ATP2B2: variants seen among roughly 807,000 people sequenced by gnomAD.
The protein encoded by ATP2B2 is plasma membrane calcium-transporting ATPase 2.
In ATP2B2, 15 loss-of-function variants were observed where a neutral mutation model predicts 120.0. The observed-to-expected ratio is 0.12, with a 90% CI of 0.08 to 0.19. The LOEUF (loss-of-function observed/expected upper bound fraction) is 0.19, where lower values mean the gene tolerates loss of function less well. Among genes scored for constraint, ATP2B2 ranks in the 10% least tolerant of loss-of-function variants. The pLI is 1.00. For missense variants in ATP2B2, 1,045 were observed against 1,719.8 expected (o/e 0.61, Z 6.94); for synonymous variants, 694 against 700.3 (o/e 0.99, Z 0.14).
intron 1 of ATP2B2, among the ~76,000 whole-genome samples, chr3:10,660,998 A>G (rs1043502389): frequency 6.6e-6 from 1 of 152,216 alleles, no homozygotes; most frequent in Non-Finnish European, 1.5e-5. Context: ...GACAAAAACC[A>G]CATGATTATC....
chr3:10,650,881 C>T (rs2070442352), intron 1 of ATP2B2, among the ~76,000 whole-genome samples: 1 of 152,214 alleles, frequency 6.6e-6, no homozygotes, highest in Non-Finnish European at 1.5e-5. Context: ...CACGGGAGCC[C>T]ACCTCTTGCA....
At chr3:10,537,169 A>T (rs1439432893) in intron 2 of ATP2B2, among the ~76,000 whole-genome samples, 2 of 152,140 alleles carry the variant, frequency 1.3e-5, no homozygotes, top group Non-Finnish European at 2.9e-5. Flanking sequence ...AGATAAACTG[A>T]TTCTTCATTC....
chr3:10,672,038 C>T (rs2071112341), intron 1 of ATP2B2, among the ~76,000 whole-genome samples: 5 of 152,150 alleles, frequency 3.3e-5, no homozygotes, highest in South Asian at 4.1e-4. Flanking sequence ...TAGAGAGCCT[C>T]GGGGCAAAAG....
At chr3:10,476,979 G>A (rs1218958330) in intron 1 of ATP2B2, among the ~76,000 whole-genome samples, 1 of 152,198 alleles carries the variant, frequency 6.6e-6, no homozygotes, top group African/African-American at 2.4e-5. Context: ...CATTCTAGAA[G>A]CCACTCAAAG....
In ATP2B2 at chr3:10,512,464, G is replaced by GCACA. The variant is rs6147706; in HGVS notation, c.-320+21571_-320+21574dup. Among the ~76,000 whole-genome samples the GCACA allele has an allele frequency of 6.7e-3, 918 of 136,854 alleles. 8 individuals carry two copies. The highest frequency in any genetic ancestry group is 0.011 in the South Asian group (45 of 4,278). The allele number at this position is 136,854 out of a possible 152,430, so 89.8% of individuals were successfully genotyped here. Reference sequence around the variant, plus strand: ...TATTCCTGGGTGCTAAAGTGTGTGCGCACACACACACACACACACACACAC... The same window carrying GCACA: ...TATTCCTGGGTGCTAAAGTGTGTGCGCACACACACACACACACACACACACACAC... On this transcript the variant is annotated intron_variant, in intron 3 of 21. Coordinates refer to the ATP2B2 transcript ENST00000646379.
intron 12 of ATP2B2, among the ~76,000 whole-genome samples, chr3:10,361,627 A>G (rs1340128104): frequency 1.3e-5 from 2 of 152,176 alleles, no homozygotes. Context: ...CTGCCCGAAC[A>G]CGGGCTGTTT....
intron 8 of ATP2B2, among the ~76,000 whole-genome samples, chr3:10,382,849 A>AT (rs1050534182): frequency 7.4e-5 from 11 of 149,452 alleles, no homozygotes; most frequent in South Asian, 2.1e-4. Context: ...TATCACCCTA[A>AT]TTTTTTTTTT....
rs2060254463 is a variant in ATP2B2 at position 10,340,834 on chromosome 3, C to G, written c.2918-130G>C. On this transcript the variant is annotated intron_variant, in intron 19 of 22. Coordinates refer to ENST00000360273, the MANE Select transcript of ATP2B2 (RefSeq NM_001001331.4). The surrounding 1 kb of genome is among the most constrained non-coding windows in gnomAD (Gnocchi z 5.0). ...CCCAAGACATCAAGGCATGCTTGGA[C>G]AGTGGGGGGCCAGGGCTGTGCTGTC... The G allele has an allele frequency of 2.2e-6, 2 of 903,926 alleles. No homozygotes were observed. The highest frequency in any genetic ancestry group is 3.3e-5 in the African/African-American group (2 of 60,686). The allele number at this position is 903,926 out of a possible 1,614,324, so 56.0% of individuals were successfully genotyped here.
At chr3:10,399,463 C>T (rs4684687) in intron 5 of ATP2B2, among the ~76,000 whole-genome samples, 79,043 of 152,086 alleles carry the variant, frequency 0.52, 22,370 homozygotes, top group East Asian at 0.98. Context: ...GGTCTCTATA[C>T]CTCACTACAA....
intron 1 of ATP2B2, among the ~76,000 whole-genome samples, chr3:10,640,891 G>C (rs1402787636): frequency 1.3e-5 from 2 of 152,204 alleles, no homozygotes; most frequent in African/African-American, 4.8e-5. Flanking sequence ...AAATGAATTG[G>C]AAGTGTTATC....
At chr3:10,526,313 C>G (rs1315123118) in intron 3 of ATP2B2, among the ~76,000 whole-genome samples, 3 of 152,174 alleles carry the variant, frequency 2.0e-5, no homozygotes, top group Non-Finnish European at 4.4e-5. Flanking sequence ...TGAGCATGAC[C>G]CCCAGACTGT....
At chr3:10,584,357 A>G (rs2068459240) in intron 2 of ATP2B2, among the ~76,000 whole-genome samples, 1 of 152,196 alleles carries the variant, frequency 6.6e-6, no homozygotes, top group African/African-American at 2.4e-5. Context: ...GTTTGAGTTC[A>G]GAGAGGGCTT....
In ATP2B2 at chr3:10,449,869, G is replaced by A. The variant is rs1004045603; in HGVS notation, c.-319-7C>T. On this transcript the variant is annotated splice_region_variant and splice_polypyrimidine_tract_variant and intron_variant, in intron 1 of 22. Transcript: ENST00000360273. ...TGGTCAGGGGTGGTGGCTCCTGTGG[G>A]ACAAGCACAGAGTGAGTGACAAAGG... The A allele has an allele frequency of 7.2e-6, 3 of 415,722 alleles. No individual in the cohort carries two copies. Among genetic ancestry groups the A allele is most frequent in the Admixed American group, 3.6e-5 (1 of 28,030 alleles). The allele number at this position is 415,722 out of a possible 1,614,324, so 25.8% of individuals were successfully genotyped here.
intron 1 of ATP2B2, chr3:10,626,406 A>T (rs2069699673): frequency 6.6e-6 from 1 of 152,130 alleles, no homozygotes; most frequent in Non-Finnish European, 1.5e-5. Context: ...GTCCTGGGGG[A>T]TCTGCAGGGG....
intron 2 of ATP2B2, among the ~76,000 whole-genome samples, chr3:10,556,820 A>G (rs912766261): frequency 6.6e-6 from 1 of 152,220 alleles, no homozygotes; most frequent in Non-Finnish European, 1.5e-5. Context: ...CCTCTTTCAC[A>G]TATCTTGTCA....
intron 1 of ATP2B2, among the ~76,000 whole-genome samples, chr3:10,704,074 G>C (rs2071860479): frequency 1.3e-5 from 2 of 152,166 alleles, no homozygotes; most frequent in East Asian, 3.9e-4. Context: ...TCTGCCTCCT[G>C]ACTGACCCTA....
chr3:10,404,135 C>T (rs913938422), intron 3 of ATP2B2, among the ~76,000 whole-genome samples: 1 of 152,126 alleles, frequency 6.6e-6, no homozygotes, highest in Non-Finnish European at 1.5e-5. Context: ...CAGCTGCATG[C>T]ACCCCTGGAA....
chr3:10,447,168 A>C (rs887239251), intron 2 of ATP2B2, among the ~76,000 whole-genome samples: 1 of 152,156 alleles, frequency 6.6e-6, no homozygotes, highest in African/African-American at 2.4e-5. Flanking sequence ...CCCCCACCTT[A>C]GGCTGGGACT....
chr3:10,669,966 T>C (rs1316953486), intron 1 of ATP2B2, among the ~76,000 whole-genome samples: 1 of 152,122 alleles, frequency 6.6e-6, no homozygotes, highest in African/African-American at 2.4e-5. Flanking sequence ...TATTCAAGGA[T>C]AGATAAAAGT....
Sources: gnomAD v4.1 joint callset for allele counts (sites outside exome capture counted in the v4.1 genomes callset) on GRCh38, gnomAD v4.1.1 for gene constraint, Gnocchi (gnomAD v3.1) non-coding constraint, MANE v1.5 for transcripts, NCBI Gene and HGNC (gene_info 2026-07-23, HGNC 2026-07-21) for gene names.